The following AUTS2 variants were observed in gnomAD, a reference collection of about 807,000 sequenced individuals.
AUTS2 encodes the protein activator of transcription and developmental regulator AUTS2, also known as autism susceptibility gene 2 protein.
Under a neutral mutation model 112.4 loss-of-function variants are expected in AUTS2, and 17 were observed. That is an observed-to-expected ratio of 0.15 (90% CI 0.10 to 0.23). The LOEUF is 0.23. Among genes scored for constraint, AUTS2 ranks in the 10% least tolerant of loss-of-function variants. The pLI, the probability that AUTS2 is intolerant of heterozygous loss-of-function variation, is 1.00. For missense variants in AUTS2, 1,510 were observed against 1,701.6 expected, an observed-to-expected ratio of 0.89 and a Z score of 1.98; for synonymous variants, 751 against 702.7, an observed-to-expected ratio of 1.07 and a Z score of -1.09.
At chr7:69,822,208 C>T (rs1196993985) in intron 1 of AUTS2, among the ~76,000 whole-genome samples, 5 of 152,202 alleles carry the variant, frequency 3.3e-5, no homozygotes, top group Non-Finnish European at 5.9e-5. Context: ...TTACAATTCA[C>T]TGTGGACCAG....
intron 5 of AUTS2, among the ~76,000 whole-genome samples, chr7:70,618,438 T>C (rs1261081203): frequency 6.6e-6 from 1 of 152,140 alleles, no homozygotes; most frequent in African/African-American, 2.4e-5. Flanking sequence ...AGCTCGCAGT[T>C]TATGCCTTCA....
chr7:70,204,879 A>G (rs1317180575), intron 4 of AUTS2, among the ~76,000 whole-genome samples: 1 of 152,118 alleles, frequency 6.6e-6, no homozygotes, highest in Non-Finnish European at 1.5e-5. Flanking sequence ...GGGTTTCATT[A>G]TTTTAAGTAT....
rs962989973 is a variant in AUTS2, at chr7:70,099,382, C to G, written c.523-18750C>G. The stretch of plus-strand genomic sequence containing the variant: ...TAAAATTCTTGGATCTTAGCATCTT[C>G]CTTAACTTAGGGCTGTTCTCTACGT... On this transcript the variant is annotated intron_variant, in intron 2 of 18. Transcript: ENST00000342771. Among the ~76,000 whole-genome samples the G allele has an allele frequency of 2.6e-4, 39 of 152,236 alleles. 1 individual carries two copies. Among genetic ancestry groups the G allele is most frequent in the African/African-American group, 8.9e-4 (37 of 41,538 alleles).
At chr7:70,196,792 G>A (rs1810197220) in intron 4 of AUTS2, among the ~76,000 whole-genome samples, 1 of 152,186 alleles carries the variant, frequency 6.6e-6, no homozygotes, top group Non-Finnish European at 1.5e-5. Flanking sequence ...ACTGGTTGAG[G>A]GTAGGCTCAC....
intron 1 of AUTS2, among the ~76,000 whole-genome samples, chr7:69,643,877 G>A (rs1339035634): frequency 6.6e-6 from 1 of 152,232 alleles, no homozygotes; most frequent in Non-Finnish European, 1.5e-5. Flanking sequence ...CCCTGGAGAT[G>A]AGGCTGCAGT....
intron 1 of AUTS2, among the ~76,000 whole-genome samples, chr7:69,883,224 A>G (rs944970349): frequency 6.6e-6 from 1 of 151,946 alleles, no homozygotes; most frequent in Admixed American, 6.6e-5. Flanking sequence ...CAACTGATTA[A>G]GGAGCCAGCT....
intron 1 of AUTS2, among the ~76,000 whole-genome samples, chr7:69,687,224 A>G (rs1384189142): frequency 6.6e-6 from 1 of 152,218 alleles, no homozygotes; most frequent in Non-Finnish European, 1.5e-5. Context: ...CTAATGATAA[A>G]ATTAAAGTAA....
At chr7:70,185,875 G>A (rs1302297395) in intron 4 of AUTS2, among the ~76,000 whole-genome samples, 5 of 152,176 alleles carry the variant, frequency 3.3e-5, no homozygotes, top group Admixed American at 2.0e-4. Flanking sequence ...CAGGAAAGGC[G>A]TGAGATTGAG....
chr7:70,717,027 G>A (rs1446927020), intron 6 of AUTS2, among the ~76,000 whole-genome samples: 2 of 124,814 alleles, frequency 1.6e-5, no homozygotes, highest in East Asian at 4.7e-4. Context: ...TACTGTTTAA[G>A]CCTTGACACT....
intron 5 of AUTS2, among the ~76,000 whole-genome samples, chr7:70,615,288 T>A (rs983789549): frequency 1.3e-5 from 2 of 152,092 alleles, no homozygotes; most frequent in East Asian, 3.9e-4. Context: ...TGTGTGTACT[T>A]GTTAGAAATA....
intron 1 of AUTS2, among the ~76,000 whole-genome samples, chr7:69,761,165 A>G (rs1479762611): frequency 6.6e-6 from 1 of 152,190 alleles, no homozygotes. Context: ...GCTGCCTGGA[A>G]ATGCTGTTGG....
At chr7:70,415,479 A>G (rs1794950622) in intron 4 of AUTS2, among the ~76,000 whole-genome samples, 1 of 152,178 alleles carries the variant, frequency 6.6e-6, no homozygotes, top group Non-Finnish European at 1.5e-5. Flanking sequence ...ATGAAATTGA[A>G]ACTAGACCAT....
At chr7:69,962,161 T>C (rs575967433) in intron 2 of AUTS2, among the ~76,000 whole-genome samples, 5 of 152,288 alleles carry the variant, frequency 3.3e-5, no homozygotes, top group Admixed American at 3.3e-4. Flanking sequence ...ACAAGATGGC[T>C]TGGTATCCCT....
At chr7:69,760,639 G>C (rs1203760129) in intron 1 of AUTS2, among the ~76,000 whole-genome samples, 1 of 152,038 alleles carries the variant, frequency 6.6e-6, no homozygotes, top group East Asian at 1.9e-4. Context: ...TGACCAACAT[G>C]GTGAAACCCC....
chr7:70,080,313 C>T (rs1803239440), intron 2 of AUTS2, among the ~76,000 whole-genome samples: 1 of 152,124 alleles, frequency 6.6e-6, no homozygotes, highest in African/African-American at 2.4e-5. Context: ...TTATTCATGT[C>T]CTCGAGGAAG....
In AUTS2 at chr7:70,107,531, A is replaced by G. The variant is rs549978759; in HGVS notation, c.523-10601A>G. Reference sequence around the variant, plus strand: ...GCTAATTTTTGTATTTTTAGTAGAGATGGGGTTTCACCTTATTGGCCAGGA... The same window carrying G: ...GCTAATTTTTGTATTTTTAGTAGAGGTGGGGTTTCACCTTATTGGCCAGGA... On this transcript the variant is annotated intron_variant, in intron 2 of 18. Transcript: ENST00000342771. Among the ~76,000 whole-genome samples the G allele has an allele frequency of 6.0e-5, 9 of 148,830 alleles. No homozygotes were observed. The East Asian group carries it at 1.9e-3, about 31-fold the overall frequency.
intron 2 of AUTS2, among the ~76,000 whole-genome samples, chr7:69,938,100 TA>T (rs1020216935): frequency 1.3e-5 from 2 of 152,232 alleles, no homozygotes; most frequent in African/African-American, 4.8e-5. Flanking sequence ...ATAATCTTCT[TA>T]AAGCCCTTCC....
At chr7:70,065,283 G>A (rs1400783534) in intron 2 of AUTS2, among the ~76,000 whole-genome samples, 1 of 152,130 alleles carries the variant, frequency 6.6e-6, no homozygotes, top group Admixed American at 6.5e-5. Context: ...CCAAACCAGT[G>A]CATTACAGTA....
chr7:69,999,739 A>AC (rs895130701), intron 2 of AUTS2, among the ~76,000 whole-genome samples: 3 of 152,046 alleles, frequency 2.0e-5, no homozygotes, highest in African/African-American at 7.2e-5. Flanking sequence ...TTACATAGTT[A>AC]CCCCCCTGCC....
Sources: gnomAD v4.1 joint callset for allele counts (sites outside exome capture counted in the v4.1 genomes callset) on GRCh38, gnomAD v4.1.1 for gene constraint, MANE v1.5 for transcripts, NCBI Gene and HGNC (gene_info 2026-07-23, HGNC 2026-07-21) for gene names.